The following AKAP17A variants were observed in gnomAD, a reference collection of about 807,000 sequenced individuals.
The protein encoded by AKAP17A is A-kinase anchoring protein 17A.
Under a neutral mutation model 52.2 loss-of-function variants are expected in AKAP17A, and 15 were observed. The ratio of observed to expected loss-of-function variants is 0.29; its 90% CI spans 0.19 to 0.44. AKAP17A has a LOEUF of 0.44. Among genes scored for constraint, AKAP17A ranks in the 20% least tolerant of loss-of-function variants. The probability of loss-of-function intolerance (pLI) is 1.00; values close to 1 mark genes in which losing one functional copy is unlikely to be tolerated. For synonymous variants in AKAP17A, 514 were observed against 424.7 expected (o/e 1.21, Z -2.58); for missense variants, 1,060 against 1,007.0 (o/e 1.05, Z -0.71).
intron 2 of AKAP17A, 22 bp from the exon 3 acceptor site, chrX:1,595,362 G>A (rs1932927446): frequency 1.2e-6 from 2 of 1,612,990 alleles, no homozygotes; most frequent in Non-Finnish European, 1.7e-6. Flanking sequence ...AAGGCCATCT[G>A]ACACTGTTTT....
chrX:1,595,589 C>G, intron 3 of AKAP17A, 57 bp downstream of exon 3: 2 of 1,608,496 alleles, frequency 1.2e-6, no homozygotes, highest in Non-Finnish European at 1.7e-6. Context: ...GGAGTGTGCG[C>G]AGACCCGTGT....
chrX:1,599,499 TGCGGGCGGCGTCACGGC>T lies in AKAP17A; in HGVS notation c.1152+70_1152+86del, dbSNP rs1475669345. 6 of 1,549,458 alleles carry T rather than the reference TGCGGGCGGCGTCACGGC, an allele frequency of 3.9e-6. No homozygotes were observed. In the East Asian group the frequency reaches 1.5e-4, roughly 38 times the overall value. Reference sequence around the variant, plus strand: ...CTGCCCTCAGTGCCCTCCCCTGAAATGCGGGCGGCGTCACGGCGCCGTTTCCCCGCCGGCTGCAGCTG... The same window carrying T: ...CTGCCCTCAGTGCCCTCCCCTGAAATGCCGTTTCCCCGCCGGCTGCAGCTG... On this transcript the variant is annotated intron_variant, in intron 4 of 4. Transcript: ENST00000313871.
At position 1,593,891 on chromosome X, in the gene AKAP17A, G is replaced by C; in HGVS notation, c.429G>C (p.Gly143=). Reference sequence around the variant, plus strand: ...AGGACATGAACGAGACCCTGCCGGGGGAGCGGCCGGACACCATCCACCTGG... The same window carrying C: ...AGGACATGAACGAGACCCTGCCGGGCGAGCGGCCGGACACCATCCACCTGG... The part of the protein sequence containing the change: ...DAKDMNETLP[G]ERPDTIHLEG... The change falls in exon 2 of 5, where the codon GGG becomes GGC. Residue 143 remains glycine, a synonymous_variant. Coordinates refer to ENST00000313871, the MANE Select transcript of AKAP17A (RefSeq NM_005088.3). 1 of 1,612,330 alleles carries C rather than the reference G, an allele frequency of 6.2e-7. No individual in the cohort carries two copies. The highest frequency in any genetic ancestry group is 2.2e-5 in the East Asian group (1 of 44,846).
chrX:1,593,326 A>G (rs1932871288), intron 1 of AKAP17A, 118 bp from the exon 2 acceptor site: 3 of 989,190 alleles, frequency 3.0e-6, no homozygotes, highest in East Asian at 2.4e-5. Flanking sequence ...CTGACACGGC[A>G]GAGAGACACT....
In AKAP17A at chrX:1,601,927, A is replaced by G. The variant is rs1452351848; in HGVS notation, c.*333A>G. On this transcript the variant is annotated 3_prime_UTR_variant, in exon 5 of 5. Transcript: ENST00000313871. ...TGGCAGAGCTGCTGCATTCCCCCACACGGGGATTTCTGTGTCTGCTTGGCG... is the reference window on the plus strand; with the variant it reads ...TGGCAGAGCTGCTGCATTCCCCCACGCGGGGATTTCTGTGTCTGCTTGGCG... The G allele has an allele frequency of 6.7e-6, 2 of 296,780 alleles. No homozygotes were observed. Among genetic ancestry groups the G allele is most frequent in the Admixed American group, 5.1e-5 (1 of 19,564 alleles). 18.4% of individuals were successfully genotyped at this position (296,780 alleles called of 1,614,324 possible). A position where few individuals can be genotyped will look rare whatever the true frequency, so the allele number is the denominator to read the frequency against.
In AKAP17A at chrX:1,602,047, G is replaced by A. The variant is rs545762788; in HGVS notation, c.*453G>A. ...TTGCCCTGGTGATTCTTTCCCCCCC[G>A]TTTGTAATGTTAACTGATCAGGAAG... On this transcript the variant is annotated 3_prime_UTR_variant, in exon 5 of 5. Coordinates refer to ENST00000313871, the MANE Select transcript of AKAP17A (RefSeq NM_005088.3). 5.5e-5 allele frequency: 9 copies of A among 163,912 alleles called. No homozygotes were observed. Among genetic ancestry groups the A allele is most frequent in the Non-Finnish European group, 7.9e-5 (6 of 76,374 alleles). The allele number at this position is 163,912 out of a possible 1,614,324, so 10.2% of individuals were successfully genotyped here.
At position 1,591,647 on chromosome X, in the gene AKAP17A, G is replaced by A. The variant is rs1356940450; in HGVS notation, c.-142G>A. ...CGACGGCGGTGGCGGCGTCGGAGGC[G>A]CCTCCGGGGGACGGTGGCGGCTCCC... On this transcript the variant is annotated 5_prime_UTR_variant, in exon 1 of 5. Coordinates refer to ENST00000313871, the MANE Select transcript of AKAP17A (RefSeq NM_005088.3). The A allele has an allele frequency of 2.0e-5, 3 of 151,922 alleles. No homozygotes were observed. Among genetic ancestry groups the A allele is most frequent in the Non-Finnish European group, 4.4e-5 (3 of 67,910 alleles). The allele number at this position is 151,922 out of a possible 1,614,324, so 9.4% of individuals were successfully genotyped here. A position where few individuals can be genotyped will look rare whatever the true frequency, so the allele number is the denominator to read the frequency against.
At position 1,602,501 on chromosome X, in the gene AKAP17A, C is replaced by G. The variant is rs1290959109; in HGVS notation, c.*907C>G. 1 of 152,142 alleles carries G rather than the reference C, an allele frequency of 6.6e-6. No individual in the cohort carries two copies. The highest frequency in any genetic ancestry group is 1.5e-5 in the Non-Finnish European group (1 of 68,032). The allele number at this position is 152,142 out of a possible 1,614,324, so 9.4% of individuals were successfully genotyped here. ...TTGCATTTTTATGGTGAAATAAAAT[C>G]CTTTTCCAATGAACTAAAATTTTTC... On this transcript the variant is annotated 3_prime_UTR_variant, in exon 5 of 5. Coordinates refer to ENST00000313871, the MANE Select transcript of AKAP17A (RefSeq NM_005088.3).
Position 1,602,403 on chromosome X carries a change from C to T in AKAP17A, c.*809C>T, listed in dbSNP as rs1949421555. ...AAACTTGTTTTATAATCGTTTGCTT[C>T]TCCAAGTGAAGCTCAGAAATACCTA... is the stretch of plus-strand genomic sequence containing the variant. On this transcript the variant is annotated 3_prime_UTR_variant, in exon 5 of 5. Transcript: ENST00000313871. 6.6e-6 allele frequency: 1 copy of T among 152,146 alleles called. No homozygotes were observed. The highest frequency in any genetic ancestry group is 2.4e-5 in the African/African-American group (1 of 41,434). The allele number at this position is 152,146 out of a possible 1,614,324, so 9.4% of individuals were successfully genotyped here.
At chrX:1,600,584 C>G (rs1267094573) in intron 4 of AKAP17A, 75 bp from the exon 5 acceptor site, 1 of 1,394,358 alleles carries the variant, frequency 7.2e-7, no homozygotes, top group Non-Finnish European at 9.5e-7. Flanking sequence ...CCTCCAAACA[C>G]CTTCCCAGCT....
chrX:1,602,442 C>T lies in AKAP17A; in HGVS notation c.*848C>T, dbSNP rs561198257. ...CAGAAATACCTAAAAATAGCTGTAA[C>T]GTTCGCGTTAGGAAAGATGGTGTTT... is the stretch of plus-strand genomic sequence containing the variant. On this transcript the variant is annotated 3_prime_UTR_variant, in exon 5 of 5. Transcript: ENST00000313871. The T allele has an allele frequency of 2.1e-4, 32 of 152,248 alleles. 1 individual carries two copies. Among genetic ancestry groups the T allele is most frequent in the Admixed American group, 3.9e-4 (6 of 15,292 alleles). 9.4% of individuals were successfully genotyped at this position (152,248 alleles called of 1,614,324 possible). A position where few individuals can be genotyped will look rare whatever the true frequency, so the allele number is the denominator to read the frequency against.
Position 1,594,176 on chromosome X carries a change from A to G in AKAP17A, c.714A>G (p.Lys238=). Residue 238 remains lysine (K), a synonymous_variant, in exon 2 of 5, where the codon AAA becomes AAG. Transcript: ENST00000313871. ...IQAMSALRGM[K]LMYKGEDGKA... The stretch of plus-strand genomic sequence containing the variant: ...CCATGAGCGCCCTGCGCGGGATGAA[A>G]CTCATGTACAAGGGCGAGGACGGCA... The G allele has an allele frequency of 6.3e-7, 1 of 1,588,964 alleles. No homozygotes were observed. The highest frequency in any genetic ancestry group is 1.1e-5 in the South Asian group (1 of 88,632).
In AKAP17A at chrX:1,593,778, T is replaced by G. The variant is rs1932883124; in HGVS notation, c.316T>G (p.Phe106Val). 6.2e-7 allele frequency: 1 copy of G among 1,613,662 alleles called. No individual in the cohort carries two copies. Among genetic ancestry groups the G allele is most frequent in the Non-Finnish European group, 8.5e-7 (1 of 1,179,878 alleles). Reference protein sequence around the residue: ...LDGKTIKLSGFSDILKVRAAE... With the variant: ...LDGKTIKLSGVSDILKVRAAE... ...CGGCAAGACCATCAAGCTCAGCGGCTTCTCCGACATCCTGAAGGTGCGCGC... is the reference window on the plus strand; with the variant it reads ...CGGCAAGACCATCAAGCTCAGCGGCGTCTCCGACATCCTGAAGGTGCGCGC... The change falls in exon 2 of 5, where the codon TTC becomes GTC. Residue 106 changes from phenylalanine (F) to valine (V), a missense_variant. By Grantham distance (50) the Phe-to-Val change is conservative (BLOSUM62 -1). Coordinates refer to ENST00000313871, the MANE Select transcript of AKAP17A (RefSeq NM_005088.3).
intron 3 of AKAP17A, among the ~76,000 whole-genome samples, chrX:1,595,795 G>A (rs1180748681): frequency 2.0e-5 from 3 of 151,914 alleles, no homozygotes; most frequent in Non-Finnish European, 4.4e-5. Context: ...GTGTGAGCTC[G>A]TGTGTGTACC....
intron 3 of AKAP17A, among the ~76,000 whole-genome samples, chrX:1,596,093 C>CCT (rs1424931562): frequency 2.0e-5 from 3 of 152,040 alleles, no homozygotes; most frequent in Admixed American, 6.6e-5. Context: ...CGAAGAGCCA[C>CCT]CTCTTCTCCC....
intron 1 of AKAP17A, among the ~76,000 whole-genome samples, chrX:1,592,269 G>A (rs1366639325): frequency 6.6e-6 from 1 of 151,914 alleles, no homozygotes; most frequent in East Asian, 1.9e-4. Flanking sequence ...AGGAGCTGAG[G>A]GTACCGAGTG....
chrX:1,593,239 C>G (rs1603459997), intron 1 of AKAP17A, among the ~76,000 whole-genome samples: 1 of 152,272 alleles, frequency 6.6e-6, no homozygotes, highest in East Asian at 1.9e-4. Context: ...GGCTCTTTCC[C>G]CTTTGGTGTA....
Position 1,599,507 on chromosome X carries a change from G to A in AKAP17A, c.1152+75G>A, listed in dbSNP as rs139655137. The A allele has an allele frequency of 8.6e-3, 13,268 of 1,543,744 alleles. 519 individuals carry two copies. Among genetic ancestry groups the A allele is most frequent in the African/African-American group, 0.08 (5,815 of 73,026 alleles). ...AGTGCCCTCCCCTGAAATGCGGGCG[G>A]CGTCACGGCGCCGTTTCCCCGCCGG... On this transcript the variant is annotated intron_variant, in intron 4 of 4. Coordinates refer to ENST00000313871, the MANE Select transcript of AKAP17A (RefSeq NM_005088.3).
Position 1,600,248 on chromosome X carries a change from C to T in AKAP17A, c.1153-411C>T, listed in dbSNP as rs1291513536. 5 of 1,276,586 alleles carry T rather than the reference C, an allele frequency of 3.9e-6. No homozygotes were observed. In the African/African-American group the frequency reaches 6.0e-5, roughly 15 times the overall value. The allele number at this position is 1,276,586 out of a possible 1,614,324, so 79.1% of individuals were successfully genotyped here. A position where few individuals can be genotyped will look rare whatever the true frequency, so the allele number is the denominator to read the frequency against. ...ACTAACCCAGGCTAGGCCAGGCTCG[C>T]CCCGCAGCTACGGCGGTGGCATGCG... On this transcript the variant is annotated intron_variant, in intron 4 of 4. Transcript: ENST00000313871.
Sources: allele counts gnomAD v4.1 joint callset (sites outside exome capture counted in the v4.1 genomes callset), GRCh38; gene constraint gnomAD v4.1.1; transcripts MANE v1.5; gene names NCBI Gene and HGNC (gene_info 2026-07-23, HGNC 2026-07-21).